The following OTUD7A variants were observed in gnomAD, a reference collection of about 807,000 sequenced individuals.
OTUD7A encodes the protein OTU domain-containing protein 7A.
Under a neutral mutation model 65.7 loss-of-function variants are expected in OTUD7A, and 12 were observed. The ratio of observed to expected loss-of-function variants is 0.18; its 90% CI spans 0.12 to 0.30. The LOEUF (loss-of-function observed/expected upper bound fraction) is 0.30, where lower values mean the gene tolerates loss of function less well. OTUD7A is among the 10% of genes least tolerant of loss of function. OTUD7A has a pLI of 1.00. For synonymous variants in OTUD7A, 641 were observed against 586.3 expected, an observed-to-expected ratio of 1.09 and a Z score of -1.35; for missense variants, 1,148 against 1,304.8, an observed-to-expected ratio of 0.88 and a Z score of 1.85.
chr15:31,570,004 T>TC lies in OTUD7A; in HGVS notation c.331+13dup. The stretch of plus-strand genomic sequence containing the variant: ...CCTGGGCGGCTGTGCCTAGGCTCAG[T>TC]CCCTCAGCGGTACCTTGGGCAATGT... On this transcript the variant is annotated intron_variant, in intron 4 of 12. Coordinates refer to ENST00000307050, the MANE Select transcript of OTUD7A (RefSeq NM_001382637.1). The TC allele has an allele frequency of 6.2e-7, 1 of 1,613,224 alleles. No individual in the cohort carries two copies. Among genetic ancestry groups the TC allele is most frequent in the Non-Finnish European group, 8.5e-7 (1 of 1,179,908 alleles).
rs1235685900 is a variant in OTUD7A at position 31,816,307 on chromosome 15, GA to G, written c.-100+54199del. Reference sequence around the variant, plus strand: ...ATTTGATTCCTTCTTCACAAAACCAGAAAAGGGAGGAAAAAGCTGTCTAAAA... The same window carrying G: ...ATTTGATTCCTTCTTCACAAAACCAGAAAGGGAGGAAAAAGCTGTCTAAAA... On this transcript the variant is annotated intron_variant, in intron 1 of 12. Transcript: ENST00000307050. Among the ~76,000 whole-genome samples the G allele has an allele frequency of 2.6e-5, 4 of 152,270 alleles. No homozygotes were observed. The East Asian group carries it at 7.7e-4, about 29-fold the overall frequency.
chr15:31,665,919 G>A (rs1333920683), intron 1 of OTUD7A, among the ~76,000 whole-genome samples: 2 of 152,106 alleles, frequency 1.3e-5, no homozygotes, highest in Non-Finnish European at 2.9e-5. Flanking sequence ...ACGATCACGT[G>A]ATTTTTGTTC....
At chr15:31,730,212 T>G (rs1894003072) in intron 1 of OTUD7A, among the ~76,000 whole-genome samples, 1 of 152,128 alleles carries the variant, frequency 6.6e-6, no homozygotes, top group Non-Finnish European at 1.5e-5. Context: ...ACTCTATTCT[T>G]GGACTTCCCA....
intron 5 of OTUD7A, among the ~76,000 whole-genome samples, chr15:31,542,776 G>A (rs1404872522): frequency 6.6e-6 from 1 of 151,098 alleles, no homozygotes; most frequent in Non-Finnish European, 1.5e-5. Context: ...TCAAAGGAGT[G>A]ATAGACTGAC....
At chr15:31,867,839 T>C (rs1897918152) in intron 1 of OTUD7A, among the ~76,000 whole-genome samples, 1 of 150,242 alleles carries the variant, frequency 6.7e-6, no homozygotes, top group African/African-American at 2.4e-5. Flanking sequence ...CCTCTGGTCA[T>C]TCAAGTATGT....
chr15:31,811,024 A>C (rs912354978), intron 1 of OTUD7A, among the ~76,000 whole-genome samples: 1 of 152,152 alleles, frequency 6.6e-6, no homozygotes, highest in African/African-American at 2.4e-5. Context: ...GAAAGTCTCA[A>C]AGCAGGGTCC....
chr15:31,827,784 G>T (rs1008944726), intron 1 of OTUD7A, among the ~76,000 whole-genome samples: 1 of 151,982 alleles, frequency 6.6e-6, no homozygotes, highest in African/African-American at 2.4e-5. Flanking sequence ...AAAATTGGCT[G>T]GGCATGGTGG....
At chr15:31,815,955 C>A (rs907659028) in intron 1 of OTUD7A, among the ~76,000 whole-genome samples, 1 of 152,218 alleles carries the variant, frequency 6.6e-6, no homozygotes, top group Non-Finnish European at 1.5e-5. Context: ...TGGTGACTTA[C>A]ACCATTCGCC....
chr15:31,755,145 G>C (rs1055608333), intron 1 of OTUD7A, among the ~76,000 whole-genome samples: 1 of 151,858 alleles, frequency 6.6e-6, no homozygotes, highest in African/African-American at 2.4e-5. Context: ...GGGAAGAGGG[G>C]AAGTGAAGGT....
rs567625303 is a variant in OTUD7A, at chr15:31,534,841, T to C, written c.551-4033A>G. Among the ~76,000 whole-genome samples the C allele has an allele frequency of 9.2e-5, 14 of 152,288 alleles. No homozygotes were observed. The East Asian group carries it at 2.5e-3, about 27-fold the overall frequency. ...GTCTGATAGTTGGCTCTGTGGAACC[T>C]GTATGTCTAAGAAGTTGGCCCTCCA... is the stretch of plus-strand genomic sequence containing the variant. On this transcript the variant is annotated intron_variant, in intron 5 of 12. Coordinates refer to ENST00000307050, the MANE Select transcript of OTUD7A (RefSeq NM_001382637.1).
intron 1 of OTUD7A, among the ~76,000 whole-genome samples, chr15:31,861,662 C>A (rs1037512311): frequency 6.6e-6 from 1 of 152,242 alleles, no homozygotes; most frequent in East Asian, 1.9e-4. Flanking sequence ...AAGGTAGAGA[C>A]AGAATAATCA....
At chr15:31,867,396 T>C (rs540577625) in intron 1 of OTUD7A, among the ~76,000 whole-genome samples, 2 of 152,246 alleles carry the variant, frequency 1.3e-5, no homozygotes, top group South Asian at 4.1e-4. Flanking sequence ...GGCCATGACT[T>C]GCACACAGCT....
chr15:31,703,735 G>C (rs1893266060), intron 1 of OTUD7A, among the ~76,000 whole-genome samples: 1 of 151,044 alleles, frequency 6.6e-6, no homozygotes, highest in Non-Finnish European at 1.5e-5. Flanking sequence ...GAGAAATGGA[G>C]TCTTAACATT....
chr15:31,867,031 T>C (rs1897893823), intron 1 of OTUD7A, among the ~76,000 whole-genome samples: 1 of 151,584 alleles, frequency 6.6e-6, no homozygotes, highest in Non-Finnish European at 1.5e-5. Context: ...GAGAGAGGAG[T>C]CTTTGGTCTT....
intron 1 of OTUD7A, among the ~76,000 whole-genome samples, chr15:31,744,140 C>T (rs1894414369): frequency 6.6e-6 from 1 of 152,026 alleles, no homozygotes; most frequent in Admixed American, 6.6e-5. Context: ...GAAAATTCTT[C>T]CCTTAAAAAA....
At chr15:31,580,268 G>A (rs574189287) in intron 3 of OTUD7A, among the ~76,000 whole-genome samples, 80 of 152,242 alleles carry the variant, frequency 5.3e-4, no homozygotes, top group African/African-American at 1.6e-3. Flanking sequence ...GTAGCAGGGC[G>A]GCAGGGAGGA....
At chr15:31,570,256 T>G in intron 3 of OTUD7A, 59 bp from the exon 4 acceptor site, 1 of 1,550,750 alleles carries the variant, frequency 6.4e-7, no homozygotes, top group Non-Finnish European at 8.9e-7. Flanking sequence ...GGTCTCATCA[T>G]AGAGAAGAAC....
chr15:31,736,420 T>C (rs1894195162), intron 1 of OTUD7A, among the ~76,000 whole-genome samples: 1 of 152,178 alleles, frequency 6.6e-6, no homozygotes, highest in Admixed American at 6.5e-5. Context: ...TAGTTGAATG[T>C]TTAAAGATGT....
chr15:31,775,089 T>TACACAC lies in OTUD7A; in HGVS notation c.-100+95412_-100+95417dup, dbSNP rs3046535. On this transcript the variant is annotated intron_variant, in intron 1 of 12. Transcript: ENST00000307050. ...GTGTACGCTCCCATGTCCATGCATT[T>TACACAC]ACACACACACACACACACACACACA... 5.7e-3 allele frequency among the ~76,000 whole-genome samples: 838 copies of TACACAC among 148,106 alleles called. 11 individuals carry two copies. The highest frequency in any genetic ancestry group is 0.02 in the African/African-American group (795 of 40,152).
Sources: gnomAD v4.1 joint callset for allele counts (sites outside exome capture counted in the v4.1 genomes callset) on GRCh38, gnomAD v4.1.1 for gene constraint, MANE v1.5 for transcripts, NCBI Gene and HGNC (gene_info 2026-07-23, HGNC 2026-07-21) for gene names.